CTTNBP2: variants seen among roughly 807,000 people sequenced by gnomAD.
CTTNBP2 encodes cortactin-binding protein 2.
A neutral mutation model predicts 156.9 loss-of-function variants in CTTNBP2; 108 were observed. That is an observed-to-expected ratio of 0.69 (90% CI 0.59 to 0.81). The LOEUF is 0.81. Among genes scored for constraint, CTTNBP2 ranks in the 30% least tolerant of loss-of-function variants. The pLI is 0.00. For missense variants in CTTNBP2, 1,924 were observed against 2,035.4 expected (o/e 0.95, Z 1.05); for synonymous variants, 767 against 751.8 (o/e 1.02, Z -0.33).
chr7:117,845,069 G>GT (rs528109659), intron 2 of CTTNBP2, among the ~76,000 whole-genome samples: 3 of 152,008 alleles, frequency 2.0e-5, no homozygotes, highest in African/African-American at 4.8e-5. Context: ...AAGGTTGGAT[G>GT]TTTTTTTTCT....
chr7:117,798,604 G>A (rs1379163449), intron 3 of CTTNBP2, among the ~76,000 whole-genome samples: 1 of 152,056 alleles, frequency 6.6e-6, no homozygotes, highest in East Asian at 1.9e-4. Flanking sequence ...AGCAGCTAAG[G>A]CCGATATGGC....
At position 117,844,496 on chromosome 7, in the gene CTTNBP2, A is replaced by G. The variant is rs370593881; in HGVS notation, c.189+16713T>C. ...TTATTTTTTTCCTGAAAACTACAAA[A>G]ATGAGTGATTTTTGGTTAGAACGGT... On this transcript the variant is annotated intron_variant, in intron 2 of 22. Transcript: ENST00000160373. Among the ~76,000 whole-genome samples, 134 of 152,288 alleles carry G rather than the reference A, an allele frequency of 8.8e-4. 1 individual carries two copies. The highest frequency in any genetic ancestry group is 3.0e-3 in the African/African-American group (124 of 41,554).
rs560579891 is a variant in CTTNBP2 at position 117,716,069 on chromosome 7, G to A, written c.4746+1949C>T. On this transcript the variant is annotated intron_variant, in intron 22 of 22. Transcript: ENST00000160373. Reference sequence around the variant, plus strand: ...CAAATAAGTGTCTTCAGTGGGCAAAGGGAGAGAAGACTAGGAGGCAGCGGT... The same window carrying A: ...CAAATAAGTGTCTTCAGTGGGCAAAAGGAGAGAAGACTAGGAGGCAGCGGT... 3 of 152,222 alleles carry A rather than the reference G, an allele frequency of 2.0e-5. No individual in the cohort carries two copies. The South Asian group carries it at 6.2e-4, about 32-fold the overall frequency. The allele number at this position is 152,222 out of a possible 1,614,324, so 9.4% of individuals were successfully genotyped here.
chr7:117,784,596 G>C (rs757562421), intron 4 of CTTNBP2, 142 bp from the exon 5 acceptor site: 10 of 539,466 alleles, frequency 1.9e-5, no homozygotes, highest in Non-Finnish European at 2.5e-5. Flanking sequence ...TTATCAATCT[G>C]TTAATATTTA....
At chr7:117,836,728 T>G (rs1189890089) in intron 2 of CTTNBP2, among the ~76,000 whole-genome samples, 3 of 152,154 alleles carry the variant, frequency 2.0e-5, no homozygotes, top group Non-Finnish European at 4.4e-5. Context: ...AGGAAAGGGG[T>G]TTAATTAATT....
intron 9 of CTTNBP2, among the ~76,000 whole-genome samples, chr7:117,763,109 C>T (rs1301465209): frequency 6.6e-6 from 1 of 152,128 alleles, no homozygotes; most frequent in Admixed American, 6.5e-5. Flanking sequence ...CACCACCTCA[C>T]AATGCCAAAA....
Position 117,779,394 on chromosome 7 carries a change from T to A in CTTNBP2, c.2523+1047A>T, listed in dbSNP as rs578214504. Among the ~76,000 whole-genome samples, 23 of 152,344 alleles carry A rather than the reference T, an allele frequency of 1.5e-4. 1 individual carries two copies. Among genetic ancestry groups the A allele is most frequent in the Admixed American group, 1.4e-3 (22 of 15,306 alleles). On this transcript the variant is annotated intron_variant, in intron 7 of 22. Coordinates refer to ENST00000160373, the MANE Select transcript of CTTNBP2 (RefSeq NM_033427.3). Reference sequence around the variant, plus strand: ...AATTACACTGTTTATCTCTGGAGTTTTGAGCATCTATACTTCTAAAGGTTT... The same window carrying A: ...AATTACACTGTTTATCTCTGGAGTTATGAGCATCTATACTTCTAAAGGTTT...
At chr7:117,765,054 GCCT>G (rs1222861814) in intron 9 of CTTNBP2, among the ~76,000 whole-genome samples, 4 of 152,132 alleles carry the variant, frequency 2.6e-5, no homozygotes, top group African/African-American at 9.7e-5. Context: ...TCCTGCCTCA[GCCT>G]CCTGAGCAGC....
In CTTNBP2 at chr7:117,719,580, C is replaced by A; in HGVS notation, c.4568G>T (p.Gly1523Val). The A allele has an allele frequency of 6.2e-7, 1 of 1,613,416 alleles. No individual in the cohort carries two copies. The highest frequency in any genetic ancestry group is 8.5e-7 in the Non-Finnish European group (1 of 1,179,462). The part of the protein sequence containing the change: ...TLNLDQRLSL[G>V]SDDEADLVKE... ...GACAAGATCTGCTTCGTCATCTGAA[C>A]CCAGAGAGAGTCTCTGATCCAAATT... Residue 1523 changes from glycine to valine, a missense_variant, in exon 21 of 23, where the codon GGT (glycine) becomes GTT (valine). Coordinates refer to ENST00000160373, the MANE Select transcript of CTTNBP2 (RefSeq NM_033427.3).
chr7:117,786,702 T>C (rs935148821), intron 4 of CTTNBP2, among the ~76,000 whole-genome samples: 3 of 152,204 alleles, frequency 2.0e-5, no homozygotes, highest in Admixed American at 6.5e-5. Flanking sequence ...AATGGTTTGC[T>C]ATTCTTTTGG....
At chr7:117,847,274 G>A (rs1335316083) in intron 2 of CTTNBP2, among the ~76,000 whole-genome samples, 5 of 152,128 alleles carry the variant, frequency 3.3e-5, no homozygotes, top group East Asian at 1.9e-4. Context: ...GGTAGCTCAC[G>A]CCTGTAATCC....
rs1174436227 is a variant in CTTNBP2 at position 117,752,099 on chromosome 7, C to T, written c.3348+4456G>A. Among the ~76,000 whole-genome samples the T allele has an allele frequency of 2.6e-5, 4 of 152,286 alleles. No individual in the cohort carries two copies. The East Asian group carries it at 5.8e-4, about 22-fold the overall frequency. ...TGGGATGTCTTAGACACATAACTATCACTTACAACCTTATTTTTATAGGAA... is the reference window on the plus strand; with the variant it reads ...TGGGATGTCTTAGACACATAACTATTACTTACAACCTTATTTTTATAGGAA... On this transcript the variant is annotated intron_variant, in intron 12 of 22. Transcript: ENST00000160373.
chr7:117,842,817 G>A (rs911643409), intron 2 of CTTNBP2, among the ~76,000 whole-genome samples: 5 of 152,108 alleles, frequency 3.3e-5, no homozygotes, highest in Non-Finnish European at 5.9e-5. Flanking sequence ...TATTTAACAA[G>A]GAAAATTTGG....
In CTTNBP2 at chr7:117,780,457, C is replaced by A; in HGVS notation, c.2507G>T (p.Arg836Leu). Residue 836 changes from arginine (R) to leucine (L), a missense_variant, in exon 7 of 23, where the codon CGA (arginine) becomes CTA (leucine). Arg to Leu is a moderately radical substitution (Grantham distance 102). Coordinates refer to ENST00000160373, the MANE Select transcript of CTTNBP2 (RefSeq NM_033427.3). ...IKLLLEAGTN[R>L]SVKTTDGWTP... ...GCTACTCACTGTGGTTTTTACACTT[C>A]GATTGGTTCCAGCTTCCAACAAGAG... 6.4e-7 allele frequency: 1 copy of A among 1,572,352 alleles called. No homozygotes were observed. The highest frequency in any genetic ancestry group is 1.2e-5 in the South Asian group (1 of 83,002).
chr7:117,803,674 T>A (rs1232653524), intron 3 of CTTNBP2, among the ~76,000 whole-genome samples: 2 of 151,988 alleles, frequency 1.3e-5, no homozygotes, highest in African/African-American at 4.8e-5. Context: ...TCAAGAGACA[T>A]AAGTAAAGAG....
In CTTNBP2 at chr7:117,755,104, T is replaced by C. The variant is rs189070664; in HGVS notation, c.3348+1451A>G. Reference sequence around the variant, plus strand: ...CCTTCACTTAAGCCAAGTAATGATATACATCTCCTTCCCATCACAGGCATA... The same window carrying C: ...CCTTCACTTAAGCCAAGTAATGATACACATCTCCTTCCCATCACAGGCATA... On this transcript the variant is annotated intron_variant, in intron 12 of 22. Coordinates refer to ENST00000160373, the MANE Select transcript of CTTNBP2 (RefSeq NM_033427.3). 7.2e-4 allele frequency among the ~76,000 whole-genome samples: 109 copies of C among 152,284 alleles called. 1 individual carries two copies. Among genetic ancestry groups the C allele is most frequent in the African/African-American group, 2.5e-3 (103 of 41,558 alleles).
chr7:117,804,055 T>C (rs1192561297), intron 3 of CTTNBP2, among the ~76,000 whole-genome samples: 1 of 152,124 alleles, frequency 6.6e-6, no homozygotes, highest in East Asian at 1.9e-4. Context: ...CTCTGCCTCC[T>C]GGGTTCGAGA....
chr7:117,742,681 G>A (rs1439949973), intron 14 of CTTNBP2, among the ~76,000 whole-genome samples: 1 of 152,196 alleles, frequency 6.6e-6, no homozygotes, highest in Non-Finnish European at 1.5e-5. Context: ...TGACTGGCAG[G>A]ATGTGACGAT....
intron 19 of CTTNBP2, among the ~76,000 whole-genome samples, chr7:117,723,594 T>A (rs187752914): frequency 6.6e-6 from 1 of 152,316 alleles, no homozygotes; most frequent in East Asian, 1.9e-4. Flanking sequence ...TAGCTGATTA[T>A]CTTATTATCA....
Sources: allele counts gnomAD v4.1 joint callset (sites outside exome capture counted in the v4.1 genomes callset), GRCh38; gene constraint gnomAD v4.1.1; transcripts MANE v1.5; gene names NCBI Gene and HGNC (gene_info 2026-07-23, HGNC 2026-07-21).